The following ARHGAP45 variants were observed in gnomAD, a reference collection of about 807,000 sequenced individuals.
ARHGAP45 encodes rho GTPase-activating protein 45.
In ARHGAP45, 56 loss-of-function variants were observed where a neutral mutation model predicts 116.1. That is an observed-to-expected ratio of 0.48 (90% CI 0.39 to 0.60). The LOEUF is 0.60. ARHGAP45 is among the 20% of genes least tolerant of loss of function. ARHGAP45 has a pLI of 0.00. For missense variants in ARHGAP45, 1,622 were observed against 1,601.0 expected, an observed-to-expected ratio of 1.01 and a Z score of -0.22; for synonymous variants, 866 against 701.7, an observed-to-expected ratio of 1.23 and a Z score of -3.70.
chr19:1,071,315 G>C lies in ARHGAP45; in HGVS notation c.422-1834G>C. 1 of 1,432,846 alleles carries C rather than the reference G, an allele frequency of 7.0e-7. No homozygotes were observed. The highest frequency in any genetic ancestry group is 9.1e-7 in the Non-Finnish European group (1 of 1,100,116). 88.8% of individuals were successfully genotyped at this position (1,432,846 alleles called of 1,614,324 possible). ...TGTGTATCTGCGGGACGGCGCACCC[G>C]GTGCTGGACGAGGGCCCCGTGCGCT... On this transcript the variant is annotated intron_variant, in intron 2 of 22. Coordinates refer to ENST00000313093, the MANE Select transcript of ARHGAP45 (RefSeq NM_012292.5). This position sits in a 1 kb window ranked among gnomAD's most constrained non-coding sequence, Gnocchi z 4.6.
rs900823792 is a variant in ARHGAP45 at position 1,069,339 on chromosome 19, C to T, written c.421+595C>T. 6.6e-6 allele frequency among the ~76,000 whole-genome samples: 1 copy of T among 152,226 alleles called. No homozygotes were observed. Among genetic ancestry groups the T allele is most frequent in the Admixed American group, 6.5e-5 (1 of 15,284 alleles). ...CTCCACGCGGCCGCTGACAGCCCTG[C>T]TTCCTGCCGAGTTATTTTCATCTGC... On this transcript the variant is annotated intron_variant, in intron 2 of 22. Coordinates refer to ENST00000313093, the MANE Select transcript of ARHGAP45 (RefSeq NM_012292.5). The surrounding 1 kb of genome is among the most constrained non-coding windows in gnomAD (Gnocchi z 4.1).
intron 21 of ARHGAP45, among the ~76,000 whole-genome samples, 178 bp downstream of exon 21, chr19:1,083,531 G>T (rs1202724346): frequency 6.6e-6 from 1 of 152,180 alleles, no homozygotes; most frequent in Non-Finnish European, 1.5e-5. Context: ...ACTCAGCGAG[G>T]TCTGCATTGA....
In ARHGAP45 at chr19:1,077,917, C is replaced by T. The variant is rs2145052429; in HGVS notation, c.1246C>T (p.His416Tyr). 6.4e-7 allele frequency: 1 copy of T among 1,554,082 alleles called. No individual in the cohort carries two copies. The highest frequency in any genetic ancestry group is 8.7e-7 in the Non-Finnish European group (1 of 1,148,370). The change falls in exon 11 of 23, where the codon CAC becomes TAC. Residue 416 changes from histidine to tyrosine, a missense_variant. Coordinates refer to ENST00000313093, the MANE Select transcript of ARHGAP45 (RefSeq NM_012292.5). ...GGGTTACGTGCAGCGCTGCGAGGAC[C>T]ACGACAAGGCTCGCTTCCTCGTGGC... Reference protein sequence around the residue: ...KQGYVQRCEDHDKARFLVAKA... With the variant: ...KQGYVQRCEDYDKARFLVAKA...
chr19:1,082,036 C>T (rs865937351), intron 19 of ARHGAP45, 75 bp downstream of exon 19: 17 of 1,111,778 alleles, frequency 1.5e-5, no homozygotes, highest in South Asian at 1.6e-5. Flanking sequence ...GGTGGGGGTC[C>T]GGGAGCTGGA....
At chr19:1,067,588 C>G in intron 1 of ARHGAP45, 93 bp downstream of exon 1, 1 of 1,248,864 alleles carries the variant, frequency 8.0e-7, no homozygotes, top group South Asian at 1.3e-5. Flanking sequence ...GGGGCGGCGG[C>G]TGGGGGCTCG....
intron 17 of ARHGAP45, 76 bp from the exon 18 acceptor site, chr19:1,081,474 G>A (rs2043431981): frequency 7.3e-7 from 1 of 1,365,506 alleles, no homozygotes; most frequent in Non-Finnish European, 9.7e-7. Context: ...GCCCCGGGGA[G>A]GTGGGGTGGA....
rs769389480 is a variant in ARHGAP45 at position 1,085,961 on chromosome 19, G to A, written c.3366G>A (p.Arg1122=). Residue 1122 remains arginine, a synonymous_variant, in exon 23 of 23, where the codon CGG becomes CGA. Coordinates refer to ENST00000313093, the MANE Select transcript of ARHGAP45 (RefSeq NM_012292.5). ...CCCCCATGAGGCTCCGTGGCGGGCGGATGACACTGGGCTCCTGCAGGGAAA... is the reference window on the plus strand; with the variant it reads ...CCCCCATGAGGCTCCGTGGCGGGCGAATGACACTGGGCTCCTGCAGGGAAA... ...PLPPMRLRGG[R]MTLGSCRERQ... 1.6e-4 allele frequency: 263 copies of A among 1,612,808 alleles called. No individual in the cohort carries two copies. Among genetic ancestry groups the A allele is most frequent in the Non-Finnish European group, 2.7e-5 (32 of 1,179,948 alleles).
Position 1,081,014 on chromosome 19 carries a change from T to G in ARHGAP45, c.2140T>G (p.Cys714Gly). 1 of 1,608,810 alleles carries G rather than the reference T, an allele frequency of 6.2e-7. No individual in the cohort carries two copies. Reference sequence around the variant, plus strand: ...CCGGAAGCTCCGCACGCCCGCCAAGTGCCGCGAGTGCAACAGCTACGTCTA... The same window carrying G: ...CCGGAAGCTCCGCACGCCCGCCAAGGGCCGCGAGTGCAACAGCTACGTCTA... ...RLRKLRTPAK[C>G]RECNSYVYFQ... is the part of the protein sequence containing the mutation. The change falls in exon 17 of 23, where the codon TGC becomes GGC. Residue 714 changes from cysteine to glycine, a missense_variant. Coordinates refer to ENST00000313093, the MANE Select transcript of ARHGAP45 (RefSeq NM_012292.5).
chr19:1,075,547 C>T (rs2043230087), intron 10 of ARHGAP45, among the ~76,000 whole-genome samples: 1 of 152,102 alleles, frequency 6.6e-6, no homozygotes, highest in Non-Finnish European at 1.5e-5. Context: ...ACCCACCCGG[C>T]CTCCTGCCTG....
intron 10 of ARHGAP45, chr19:1,077,653 T>C: frequency 1.4e-6 from 2 of 1,435,142 alleles, no homozygotes; most frequent in South Asian, 1.4e-5. Context: ...CCCAAAGTGC[T>C]GGGATTACAG....
Position 1,085,677 on chromosome 19 carries a change from A to T in ARHGAP45, c.3082A>T (p.Asn1028Tyr), listed in dbSNP as rs758207031. 6.3e-7 allele frequency: 1 copy of T among 1,576,932 alleles called. No individual in the cohort carries two copies. The highest frequency in any genetic ancestry group is 1.1e-5 in the South Asian group (1 of 87,808). Residue 1028 changes from asparagine to tyrosine, a missense_variant, in exon 23 of 23, where the codon AAC (asparagine) becomes TAC (tyrosine). Physicochemically the swap from Asn to Tyr is moderately radical, Grantham distance 143. Transcript: ENST00000313093. ...DGCRESRVVS[N>Y]DSDSDLEEAS... is the part of the protein sequence containing the mutation. The stretch of plus-strand genomic sequence containing the variant: ...TTTCTTAGAATCCCGAGTTGTGTCC[A>T]ACGATTCGGACTCGGACCTAGAGGA...
At position 1,083,124 on chromosome 19, in the gene ARHGAP45, G is replaced by A; in HGVS notation, c.2745-19G>A. ...GGTCCCGGGAGCCGCTCAGCACCTG[G>A]CCCCTGCCCACCCCGCAGGATCGTG... On this transcript the variant is annotated intron_variant, in intron 20 of 22. Transcript: ENST00000313093. 1 of 1,594,974 alleles carries A rather than the reference G, an allele frequency of 6.3e-7. No individual in the cohort carries two copies. Among genetic ancestry groups the A allele is most frequent in the Middle Eastern group, 1.7e-4 (1 of 5,968 alleles).
intron 10 of ARHGAP45, among the ~76,000 whole-genome samples, chr19:1,075,780 A>AC (rs1205053221): frequency 2.0e-5 from 3 of 151,852 alleles, no homozygotes; most frequent in Non-Finnish European, 4.4e-5. Context: ...CACCCAGTTC[A>AC]TTTTTTTGTA....
Position 1,086,008 on chromosome 19 carries a change from C to G in ARHGAP45, c.*2C>G, listed in dbSNP as rs1351918857. The stretch of plus-strand genomic sequence containing the variant: ...GAAAGGCAGCCGGAATTCGTGTGAG[C>G]TGGGGTGGGGCTGGGACCACAGGTG... On this transcript the variant is annotated 3_prime_UTR_variant, in exon 23 of 23. Transcript: ENST00000313093. 6.2e-7 allele frequency: 1 copy of G among 1,609,526 alleles called. No individual in the cohort carries two copies. Among genetic ancestry groups the G allele is most frequent in the South Asian group, 1.1e-5 (1 of 90,746 alleles).
chr19:1,085,894 T>A lies in ARHGAP45; in HGVS notation c.3299T>A (p.Phe1100Tyr). 6.2e-7 allele frequency: 1 copy of A among 1,612,848 alleles called. No homozygotes were observed. ...GGCCCGGCCCAGCAGCTCTCAGGATTCAACACCAACCAGTCCAACAACGTG... is the reference window on the plus strand; with the variant it reads ...GGCCCGGCCCAGCAGCTCTCAGGATACAACACCAACCAGTCCAACAACGTG... Reference protein sequence around the residue: ...EDGPAQQLSGFNTNQSNNVLQ... With the variant: ...EDGPAQQLSGYNTNQSNNVLQ... The change falls in exon 23 of 23, where the codon TTC (phenylalanine) becomes TAC (tyrosine). Residue 1100 changes from phenylalanine (F) to tyrosine (Y), a missense_variant. By Grantham distance (22) the Phe-to-Tyr change is conservative. Around this residue, in one of 3 missense-constraint regions of ARHGAP45, gnomAD observed 1,334 missense variants for 1,263.8 expected, o/e 1.06. Transcript: ENST00000313093.
At chr19:1,077,342 C>T (rs916116536) in intron 10 of ARHGAP45, 10 of 995,268 alleles carry the variant, frequency 1.0e-5, no homozygotes, top group Admixed American at 5.6e-5. Context: ...CCCATTTCTC[C>T]GAGTGTCCTG....
chr19:1,084,246 A>G lies in ARHGAP45; in HGVS notation c.2964A>G (p.Ser988=), dbSNP rs1476527274. Residue 988 remains serine (S), a synonymous_variant, in exon 22 of 23, where the codon TCA becomes TCG. Coordinates refer to ENST00000313093, the MANE Select transcript of ARHGAP45 (RefSeq NM_012292.5). ...PEETPGGQDE[S]SNQRAEVVVQ... is the part of the protein sequence containing the mutation. The stretch of plus-strand genomic sequence containing the variant: ...CCGTTCTGCACTTGCAGGACGAGTC[A>G]TCCAACCAGCGAGCTGAGGTAGTCG... 1.9e-6 allele frequency: 3 copies of G among 1,613,498 alleles called. No homozygotes were observed. Among genetic ancestry groups the G allele is most frequent in the Admixed American group, 3.3e-5 (2 of 59,974 alleles).
At position 1,071,280 on chromosome 19, in the gene ARHGAP45, G is replaced by GCCTGTGTATCT. The variant is rs1328877173; in HGVS notation, c.422-1869_422-1868insCCTGTGTATCT. The GCCTGTGTATCT allele has an allele frequency of 2.0e-6, 3 of 1,479,304 alleles. No individual in the cohort carries two copies. In the African/African-American group the frequency reaches 4.4e-5, roughly 22 times the overall value. The allele number at this position is 1,479,304 out of a possible 1,614,324, so 91.6% of individuals were successfully genotyped here. On this transcript the variant is annotated intron_variant, in intron 2 of 22. Coordinates refer to ENST00000313093, the MANE Select transcript of ARHGAP45 (RefSeq NM_012292.5). The surrounding 1 kb of genome is among the most constrained non-coding windows in gnomAD (Gnocchi z 4.6). ...GCGCTCGCGGTCTCCGCGCCCCGAC[G>GCCTGTGTATCT]GCTGCGCCATGTGTATCTGCGGGAC...
At chr19:1,082,148 T>G in intron 19 of ARHGAP45, among the ~76,000 whole-genome samples, 187 bp downstream of exon 19, 1 of 142,434 alleles carries the variant, frequency 7.0e-6, no homozygotes, top group African/African-American at 2.7e-5. Flanking sequence ...GGGGGCGTGG[T>G]CACGGTAGGA....
Sources: allele counts gnomAD v4.1 joint callset (sites outside exome capture counted in the v4.1 genomes callset), GRCh38; gene constraint gnomAD v4.1.1; regional missense constraint gnomAD v4.1.1; non-coding constraint Gnocchi (gnomAD v3.1); transcripts MANE v1.5; gene names NCBI Gene and HGNC (gene_info 2026-07-23, HGNC 2026-07-21).